Variants in TPR observed in about 807,000 individuals in gnomAD.
The protein encoded by TPR is nucleoprotein TPR.
In TPR, 51 loss-of-function variants were observed where a neutral mutation model predicts 316.1. That is an observed-to-expected ratio of 0.16 (90% confidence interval 0.13 to 0.20). The LOEUF is 0.20. Ranked by LOEUF, TPR falls within the 10% of genes least tolerant of loss-of-function variation. The probability of loss-of-function intolerance (pLI) is 1.00; values close to 1 mark genes in which losing one functional copy is unlikely to be tolerated. For missense variants in TPR, 2,272 were observed against 2,754.8 expected (o/e 0.82, Z 3.92); for synonymous variants, 981 against 914.7 (o/e 1.07, Z -1.31).
chr1:186,350,850 C>G (rs904419756), intron 20 of TPR, among the ~76,000 whole-genome samples: 2 of 152,228 alleles, frequency 1.3e-5, no homozygotes, highest in South Asian at 4.1e-4. Flanking sequence ...TTACCCCAGA[C>G]AGGGGAAGAA....
Position 186,343,774 on chromosome 1 carries a change from G to C in TPR, c.3602+132C>G, listed in dbSNP as rs1329457666. ...AATATGTGTAAATGTTAAAAGTTAT[G>C]AGTTCTTTGACAAATAAAAGAATGA... On this transcript the variant is annotated intron_variant, in intron 26 of 50. Transcript: ENST00000367478. 3.3e-6 allele frequency: 3 copies of C among 920,284 alleles called. No homozygotes were observed. The Admixed American group carries it at 9.4e-5, about 29-fold the overall frequency. The allele number at this position is 920,284 out of a possible 1,614,324, so 57.0% of individuals were successfully genotyped here.
intron 22 of TPR, 90 bp downstream of exon 22, chr1:186,347,202 C>T (rs374487925): frequency 1.6e-5 from 22 of 1,393,770 alleles, no homozygotes; most frequent in East Asian, 6.9e-5. Flanking sequence ...CTAATTCATA[C>T]GAGTGCCTTA....
Position 186,357,496 on chromosome 1 carries a change from T to C in TPR, c.1625A>G (p.Asn542Ser). 6.2e-7 allele frequency: 1 copy of C among 1,614,158 alleles called. No individual in the cohort carries two copies. The highest frequency in any genetic ancestry group is 8.5e-7 in the Non-Finnish European group (1 of 1,180,026). The change falls in exon 14 of 51, where the codon AAT (asparagine) becomes AGT (serine). Residue 542 changes from asparagine (N) to serine (S), a missense_variant. Transcript: ENST00000367478. ...ATTTTGTTGTTGAAGCTCTTCAATATTTCTGTAAGATACTAGATGCTGTGA... is the reference window on the plus strand; with the variant it reads ...ATTTTGTTGTTGAAGCTCTTCAATACTTCTGTAAGATACTAGATGCTGTGA... ...VISQHLVSYR[N>S]IEELQQQNQR...
At chr1:186,324,807 A>AGAAG (rs573275644) in intron 42 of TPR, among the ~76,000 whole-genome samples, 43 of 146,002 alleles carry the variant, frequency 2.9e-4, no homozygotes, top group Middle Eastern at 6.9e-3. Context: ...AATAGGAAAA[A>AGAAG]GAAGGAAGGA....
intron 28 of TPR, 27 bp from the exon 29 acceptor site, chr1:186,341,186 CAA>C: frequency 6.2e-7 from 1 of 1,612,648 alleles, no homozygotes; most frequent in Non-Finnish European, 8.5e-7. Flanking sequence ...TATTTAACAA[CAA>C]ATGTAAAAAT....
chr1:186,367,023 T>C (rs865980383), intron 4 of TPR, among the ~76,000 whole-genome samples: 18 of 149,560 alleles, frequency 1.2e-4, no homozygotes, highest in South Asian at 4.2e-4. Flanking sequence ...AATAAAAAAA[T>C]TTCAAAAACC....
At chr1:186,359,742 G>A in intron 12 of TPR, 57 bp downstream of exon 12, 2 of 1,519,710 alleles carry the variant, frequency 1.3e-6, no homozygotes, top group Non-Finnish European at 1.8e-6. Context: ...AAAATACCTA[G>A]TAAATCATTT....
At chr1:186,315,092 C>T (rs1381784297) in intron 49 of TPR, among the ~76,000 whole-genome samples, 1 of 151,508 alleles carries the variant, frequency 6.6e-6, no homozygotes, top group African/African-American at 2.4e-5. Context: ...CACTTGAGCC[C>T]GGGTGAGGTT....
At chr1:186,367,488 A>T (rs1659385868) in intron 4 of TPR, among the ~76,000 whole-genome samples, 1 of 152,220 alleles carries the variant, frequency 6.6e-6, no homozygotes, top group Non-Finnish European at 1.5e-5. Context: ...GTCTGTTTAT[A>T]AATATAGGCT....
In TPR at chr1:186,326,238, A is replaced by G. The variant is rs1657927778; in HGVS notation, c.5890-3T>C. 2 of 1,605,412 alleles carry G rather than the reference A, an allele frequency of 1.2e-6. No homozygotes were observed. The highest frequency in any genetic ancestry group is 8.5e-7 in the Non-Finnish European group (1 of 1,175,688). ...TCTTCCTCATCCTCTTCATAATCCT[A>G]GTAGAAAGTTCCCCAGGCATAAATA... On this transcript the variant is annotated splice_polypyrimidine_tract_variant and splice_region_variant and intron_variant, in intron 40 of 50. Transcript: ENST00000367478.
At chr1:186,356,200 TAG>T in intron 15 of TPR, 84 bp downstream of exon 15, 1 of 1,200,570 alleles carries the variant, frequency 8.3e-7, no homozygotes, top group Non-Finnish European at 1.1e-6. Flanking sequence ...CTACCATCAT[TAG>T]AGTGGCTATT....
intron 2 of TPR, 120 bp from the exon 3 acceptor site, chr1:186,371,163 T>TG: frequency 1.3e-6 from 1 of 772,458 alleles, no homozygotes; most frequent in Non-Finnish European, 2.1e-6. Context: ...CCAGAAAGAC[T>TG]GCATTGTACA....
Position 186,346,359 on chromosome 1 carries a change from TCAAAA to T in TPR, c.2944-77_2944-73del. 2.8e-6 allele frequency: 4 copies of T among 1,405,710 alleles called. No homozygotes were observed. The South Asian group carries it at 6.2e-5, about 22-fold the overall frequency. The allele number at this position is 1,405,710 out of a possible 1,614,324, so 87.1% of individuals were successfully genotyped here. On this transcript the variant is annotated intron_variant, in intron 22 of 50. Coordinates refer to ENST00000367478, the MANE Select transcript of TPR (RefSeq NM_003292.3). ...AAGTCATACAATTATTTTCTCCAAA[TCAAAA>T]CTAATTTGAGAAGTAATAAAATTAA...
chr1:186,352,584 TG>T (rs1269243623), intron 18 of TPR, among the ~76,000 whole-genome samples: 26 of 152,180 alleles, frequency 1.7e-4, no homozygotes, highest in African/African-American at 6.0e-4. Context: ...GAGAGTGTTT[TG>T]AAAGCTCAAA....
chr1:186,345,758 A>C (rs1395444585), intron 23 of TPR, 62 bp from the exon 24 acceptor site: 11 of 1,164,392 alleles, frequency 9.4e-6, no homozygotes, highest in Admixed American at 2.0e-5. Context: ...AAAATACTGT[A>C]TTGTAGTGTT....
rs546059445 is a variant in TPR at position 186,374,022 on chromosome 1, T to C, written c.152-559A>G. On this transcript the variant is annotated intron_variant, in intron 1 of 50. Coordinates refer to ENST00000367478, the MANE Select transcript of TPR (RefSeq NM_003292.3). Reference sequence around the variant, plus strand: ...TTAATAAATAGAATGCAATGTACTATACTCAGCTCTGGGATCAGAGAACTA... The same window carrying C: ...TTAATAAATAGAATGCAATGTACTACACTCAGCTCTGGGATCAGAGAACTA... Among the ~76,000 whole-genome samples, 4 of 152,356 alleles carry C rather than the reference T, an allele frequency of 2.6e-5. No homozygotes were observed. In the South Asian group the frequency reaches 8.3e-4, roughly 32 times the overall value.
chr1:186,351,353 G>A lies in TPR; in HGVS notation c.2587C>T (p.His863Tyr). The change falls in exon 20 of 51, where the codon CAT (histidine) becomes TAT (tyrosine). Residue 863 changes from histidine to tyrosine, a missense_variant. Physicochemically the swap from His to Tyr is moderately conservative, Grantham distance 83 (BLOSUM62 2). Coordinates refer to ENST00000367478, the MANE Select transcript of TPR (RefSeq NM_003292.3). Reference sequence around the variant, plus strand: ...ACATCTAGATTTCTAGTAAGTGTATGCCTTTGTTCCACCTCATTTTCCAAC... The same window carrying A: ...ACATCTAGATTTCTAGTAAGTGTATACCTTTGTTCCACCTCATTTTCCAAC... ...KKLENEVEQRHTLTRNLDVQL... is the reference protein window; with the variant it reads ...KKLENEVEQRYTLTRNLDVQL... 6.2e-7 allele frequency: 1 copy of A among 1,610,996 alleles called. No individual in the cohort carries two copies. The highest frequency in any genetic ancestry group is 8.5e-7 in the Non-Finnish European group (1 of 1,178,726).
intron 4 of TPR, among the ~76,000 whole-genome samples, chr1:186,364,486 A>G (rs1276255317): frequency 6.6e-6 from 1 of 152,222 alleles, no homozygotes; most frequent in Non-Finnish European, 1.5e-5. Flanking sequence ...CCTATCTCGC[A>G]TTGAAAATGC....
chr1:186,353,600 C>A, intron 18 of TPR, 88 bp downstream of exon 18: 1 of 1,450,228 alleles, frequency 6.9e-7, no homozygotes, highest in Non-Finnish European at 9.4e-7. Flanking sequence ...ATACCTAAGT[C>A]CTATCAGTGA....
Sources: allele counts gnomAD v4.1 joint callset (sites outside exome capture counted in the v4.1 genomes callset), GRCh38; gene constraint gnomAD v4.1.1; transcripts MANE v1.5; gene names NCBI Gene and HGNC (gene_info 2026-07-23, HGNC 2026-07-21).